COL19A1: variants seen among roughly 807,000 people sequenced by gnomAD.
COL19A1 encodes collagen type XIX alpha 1 chain, also known as collagen alpha-1(XIX) chain.
Under a neutral mutation model 190.2 loss-of-function variants are expected in COL19A1, and 159 were observed. The observed-to-expected ratio is 0.84, with a 90% CI of 0.73 to 0.95. COL19A1 has a LOEUF of 0.95. Ranked by LOEUF, COL19A1 falls within the 40% of genes least tolerant of loss-of-function variation. The pLI, the probability that COL19A1 is intolerant of heterozygous loss-of-function variation, is 0.00. For synonymous variants in COL19A1, 509 were observed against 458.9 expected (o/e 1.11, Z -1.39); for missense variants, 1,418 against 1,431.9 (o/e 0.99, Z 0.16).
At position 69,927,965 on chromosome 6, in the gene COL19A1, T is replaced by C; in HGVS notation, c.323T>C (p.Val108Ala). The change falls in exon 5 of 51, where the codon GTA (valine) becomes GCA (alanine). Residue 108 changes from valine (V) to alanine (A), a missense_variant. Val to Ala is a moderately conservative substitution (Grantham distance 64, BLOSUM62 0). Coordinates refer to ENST00000620364, the MANE Select transcript of COL19A1 (RefSeq NM_001858.6). ...EEYSVAAMFRVRRNAKKERWF... is the reference protein window; with the variant it reads ...EEYSVAAMFRARRNAKKERWF... ...TACTCAGTAGCTGCCATGTTTCGAG[T>C]ACGAAGAAACGCCAAAAAGGAACGG... The C allele has an allele frequency of 1.2e-6, 2 of 1,613,464 alleles. No homozygotes were observed. The highest frequency in any genetic ancestry group is 1.7e-6 in the Non-Finnish European group (2 of 1,179,582).
intron 11 of COL19A1, among the ~76,000 whole-genome samples, chr6:69,967,913 A>G (rs1373601462): frequency 1.4e-5 from 2 of 144,914 alleles, no homozygotes; most frequent in African/African-American, 2.8e-5. Context: ...AATGTCTACT[A>G]TAACGTAGCG....
In COL19A1 at chr6:70,184,571, AT is replaced by A; in HGVS notation, c.2776-128del. 4.1e-6 allele frequency: 3 copies of A among 725,636 alleles called. No individual in the cohort carries two copies. The South Asian group carries it at 6.0e-5, about 15-fold the overall frequency. 44.9% of individuals were successfully genotyped at this position (725,636 alleles called of 1,614,324 possible). ...GTCAGATTCTATTTATTTGTTTTCCATTTTACCACCTTTCTTTACCAAGCTC... is the reference window on the plus strand; with the variant it reads ...GTCAGATTCTATTTATTTGTTTTCCATTTACCACCTTTCTTTACCAAGCTC... On this transcript the variant is annotated intron_variant, in intron 44 of 50. Transcript: ENST00000620364.
intron 2 of COL19A1, among the ~76,000 whole-genome samples, chr6:69,886,933 T>C (rs1768983909): frequency 6.6e-6 from 1 of 152,216 alleles, no homozygotes; most frequent in Non-Finnish European, 1.5e-5. Context: ...TACACCTAAA[T>C]AATTAACATT....
At chr6:69,979,864 A>G (rs1392582941) in intron 11 of COL19A1, among the ~76,000 whole-genome samples, 2 of 151,784 alleles carry the variant, frequency 1.3e-5, no homozygotes, top group African/African-American at 4.8e-5. Context: ...TTGGAAAAAT[A>G]TGAATAAGAA....
chr6:70,103,272 G>T (rs559280162), intron 16 of COL19A1, among the ~76,000 whole-genome samples: 1 of 151,998 alleles, frequency 6.6e-6, no homozygotes, highest in Non-Finnish European at 1.5e-5. Context: ...AATCCTCTCC[G>T]TCTTCACTGT....
chr6:70,067,516 A>G (rs1014900990), intron 14 of COL19A1, among the ~76,000 whole-genome samples: 5 of 152,044 alleles, frequency 3.3e-5, no homozygotes, highest in Admixed American at 2.6e-4. Flanking sequence ...TAAACTGTGG[A>G]TGCCTGTGAG....
intron 22 of COL19A1, among the ~76,000 whole-genome samples, chr6:70,142,354 G>A (rs748342667): frequency 6.6e-5 from 10 of 152,074 alleles, no homozygotes; most frequent in Non-Finnish European, 1.3e-4. Flanking sequence ...CTAAATCTAC[G>A]ACCTTGAGCT....
intron 11 of COL19A1, among the ~76,000 whole-genome samples, chr6:70,008,566 C>T (rs996350177): frequency 6.6e-6 from 1 of 151,860 alleles, no homozygotes; most frequent in Non-Finnish European, 1.5e-5. Context: ...TTAAAAAAAG[C>T]TTAGATTCAG....
chr6:69,904,817 G>T (rs146723520), intron 4 of COL19A1, among the ~76,000 whole-genome samples: 1 of 152,164 alleles, frequency 6.6e-6, no homozygotes, highest in African/African-American at 2.4e-5. Flanking sequence ...CCTCACCCCC[G>T]GTTCTGCTAC....
chr6:70,034,159 G>T, intron 12 of COL19A1, 86 bp from the exon 13 acceptor site: 1 of 936,388 alleles, frequency 1.1e-6, no homozygotes. Flanking sequence ...TGGAGGTTCA[G>T]TAAATTATGA....
chr6:70,065,062 C>A (rs1030290369), intron 14 of COL19A1, among the ~76,000 whole-genome samples: 2 of 152,148 alleles, frequency 1.3e-5, no homozygotes, highest in Admixed American at 6.5e-5. Flanking sequence ...AATGCAATCT[C>A]CATCAAGCTA....
intron 11 of COL19A1, among the ~76,000 whole-genome samples, chr6:69,967,448 A>G (rs1336632387): frequency 6.6e-6 from 1 of 152,220 alleles, no homozygotes; most frequent in Non-Finnish European, 1.5e-5. Context: ...TCCATGGTTG[A>G]GCAAGTTCTT....
chr6:70,145,797 TGC>T (rs1786597533), intron 25 of COL19A1, among the ~76,000 whole-genome samples: 2 of 147,148 alleles, frequency 1.4e-5, no homozygotes, highest in Non-Finnish European at 3.0e-5. Context: ...TATGGATCAC[TGC>T]AGCCTCCACC....
intron 30 of COL19A1, among the ~76,000 whole-genome samples, chr6:70,150,893 C>A (rs2150246266): frequency 6.6e-6 from 1 of 152,274 alleles, no homozygotes; most frequent in Middle Eastern, 3.4e-3. Context: ...CAAAAGGTAG[C>A]CCAAGTTCCT....
intron 14 of COL19A1, among the ~76,000 whole-genome samples, chr6:70,066,803 AG>A (rs1562138262): frequency 6.6e-6 from 1 of 152,062 alleles, no homozygotes; most frequent in African/African-American, 2.4e-5. Context: ...TTCTGGAATA[AG>A]GGGAATAAAT....
chr6:69,884,893 G>A (rs1180756566), intron 2 of COL19A1, among the ~76,000 whole-genome samples: 2 of 143,656 alleles, frequency 1.4e-5, no homozygotes, highest in African/African-American at 5.2e-5. Flanking sequence ...GTCTCGCTCT[G>A]TTGCCCAAGC....
At chr6:70,160,694 C>T (rs553999492) in intron 34 of COL19A1, among the ~76,000 whole-genome samples, 1 of 152,206 alleles carries the variant, frequency 6.6e-6, no homozygotes, top group South Asian at 2.1e-4. Flanking sequence ...TATCATGTTA[C>T]CTGTGAAATG....
chr6:70,151,474 T>A (rs911735386), intron 31 of COL19A1, 36 bp downstream of exon 31: 7 of 1,599,830 alleles, frequency 4.4e-6, no homozygotes, highest in Non-Finnish European at 6.0e-6. Context: ...ATGTGTTAAT[T>A]TCCAGGAAAA....
chr6:70,177,625 T>G (rs1333881798), intron 42 of COL19A1, among the ~76,000 whole-genome samples: 1 of 152,256 alleles, frequency 6.6e-6, no homozygotes, highest in Non-Finnish European at 1.5e-5. Context: ...TCCAAATTTT[T>G]TATAAAAGGA....
Sources: allele counts gnomAD v4.1 joint callset (sites outside exome capture counted in the v4.1 genomes callset), GRCh38; gene constraint gnomAD v4.1.1; transcripts MANE v1.5; gene names NCBI Gene and HGNC (gene_info 2026-07-23, HGNC 2026-07-21).